The following CEP135 variants were observed in gnomAD, a reference collection of about 807,000 sequenced individuals.
The protein encoded by CEP135 is centrosomal protein 135.
CEP135 carries 142 observed loss-of-function variants against 157.3 expected under a neutral mutation model. The ratio of observed to expected loss-of-function variants is 0.90; its 90% confidence interval spans 0.79 to 1.04. The LOEUF (loss-of-function observed/expected upper bound fraction) is 1.04, where lower values mean the gene tolerates loss of function less well. Among genes scored for constraint, CEP135 ranks in the 50% least tolerant of loss-of-function variants. The probability of loss-of-function intolerance (pLI) is 0.00; values close to 1 mark genes in which losing one functional copy is unlikely to be tolerated. For synonymous variants in CEP135, 396 were observed against 439.8 expected, an observed-to-expected ratio of 0.90 and a Z score of 1.25; for missense variants, 1,317 against 1,309.2, an observed-to-expected ratio of 1.01 and a Z score of -0.09.
intron 17 of CEP135, among the ~76,000 whole-genome samples, chr4:56,000,805 T>C (rs760685402): frequency 1.3e-4 from 20 of 152,206 alleles, no homozygotes; most frequent in Non-Finnish European, 2.6e-4. Flanking sequence ...GTTATAGTTT[T>C]AGTTTTTTGA....
rs184649084 is a variant in CEP135, at chr4:55,988,817, C to T, written c.1858-3117C>T. On this transcript the variant is annotated intron_variant, in intron 14 of 25. Coordinates refer to ENST00000257287, the MANE Select transcript of CEP135 (RefSeq NM_025009.5). ...CTAAAAAAAAAATACAAAAATTAGCCGGGCGTGGTGGCGGGCGCATGTAGT... is the reference window on the plus strand; with the variant it reads ...CTAAAAAAAAAATACAAAAATTAGCTGGGCGTGGTGGCGGGCGCATGTAGT... Among the ~76,000 whole-genome samples, 1,202 of 150,736 alleles carry T rather than the reference C, an allele frequency of 8.0e-3. 16 individuals are homozygous for T. The highest frequency in any genetic ancestry group is 0.028 in the African/African-American group (1,141 of 41,012).
intron 14 of CEP135, among the ~76,000 whole-genome samples, chr4:55,990,159 A>G (rs1319372388): frequency 6.6e-6 from 1 of 152,074 alleles, no homozygotes; most frequent in Non-Finnish European, 1.5e-5. Flanking sequence ...ACCTATTGCT[A>G]ATTTTTGTCA....
intron 3 of CEP135, among the ~76,000 whole-genome samples, chr4:55,953,852 T>C (rs1728432857): frequency 6.6e-6 from 1 of 152,190 alleles, no homozygotes; most frequent in African/African-American, 2.4e-5. Context: ...TCAAAGGTAC[T>C]AGGGAAAAGA....
intron 18 of CEP135, among the ~76,000 whole-genome samples, chr4:56,009,303 C>T (rs62308617): frequency 6.6e-6 from 1 of 151,846 alleles, no homozygotes; most frequent in African/African-American, 2.4e-5. Context: ...CTGGACTACA[C>T]GTGCCCGCCA....
At position 55,954,205 on chromosome 4, in the gene CEP135, T is replaced by C; in HGVS notation, c.305-11T>C. Reference sequence around the variant, plus strand: ...TCTTTAAAACGGTCTTTGAATCTTTTTCATTTTAAGAGTTGAAAACTTCAT... The same window carrying C: ...TCTTTAAAACGGTCTTTGAATCTTTCTCATTTTAAGAGTTGAAAACTTCAT... On this transcript the variant is annotated splice_polypyrimidine_tract_variant and intron_variant, in intron 3 of 25. Transcript: ENST00000257287. The C allele has an allele frequency of 1.3e-6, 2 of 1,557,834 alleles. No individual in the cohort carries two copies. The highest frequency in any genetic ancestry group is 8.6e-7 in the Non-Finnish European group (1 of 1,157,260).
rs774664811 is a variant in CEP135 at position 55,981,322 on chromosome 4, G to A, written c.1722G>A (p.Ala574=). ...VSLMEKEKEL[A]LSDLRRIMAE... ...TTATGGAAAAGGAAAAAGAACTTGC[G>A]TTATCTGACTTAAGAAGAATTATGG... Residue 574 remains alanine (A), a synonymous_variant, in exon 13 of 26, where the codon GCG becomes GCA. Transcript: ENST00000257287. The A allele has an allele frequency of 1.4e-5, 23 of 1,595,830 alleles. No homozygotes were observed. The highest frequency in any genetic ancestry group is 6.8e-5 in the African/African-American group (5 of 73,518).
chr4:56,011,285 T>G, intron 19 of CEP135, 127 bp from the exon 20 acceptor site: 1 of 631,656 alleles, frequency 1.6e-6, no homozygotes, highest in Non-Finnish European at 2.7e-6. Flanking sequence ...AAAATAACAC[T>G]TAGGAACAGT....
chr4:56,006,004 C>T (rs1041441792), intron 17 of CEP135, among the ~76,000 whole-genome samples: 3 of 152,086 alleles, frequency 2.0e-5, no homozygotes, highest in African/African-American at 7.2e-5. Flanking sequence ...TCTCTTCTTG[C>T]TTTTAGGATC....
At position 56,020,842 on chromosome 4, in the gene CEP135, A is replaced by G. The variant is rs552562838; in HGVS notation, c.3320+62A>G. 58 of 1,173,138 alleles carry G rather than the reference A, an allele frequency of 4.9e-5. No individual in the cohort carries two copies. In the East Asian group the frequency reaches 1.3e-3, roughly 26 times the overall value. The allele number at this position is 1,173,138 out of a possible 1,614,324, so 72.7% of individuals were successfully genotyped here. Reference sequence around the variant, plus strand: ...ATGTGTTCTCTATTGTACTTCAGAAAGTATTTAATATGGCTTTACAAATAA... The same window carrying G: ...ATGTGTTCTCTATTGTACTTCAGAAGGTATTTAATATGGCTTTACAAATAA... On this transcript the variant is annotated intron_variant, in intron 24 of 25. Coordinates refer to ENST00000257287, the MANE Select transcript of CEP135 (RefSeq NM_025009.5).
chr4:55,999,792 A>C, intron 17 of CEP135, 147 bp downstream of exon 17: 1 of 729,796 alleles, frequency 1.4e-6, no homozygotes, highest in Non-Finnish European at 2.2e-6. Flanking sequence ...TCTTGGGCTC[A>C]AGGAATCCCC....
chr4:55,957,507 C>A (rs1728546091), intron 5 of CEP135, 143 bp downstream of exon 5: 5 of 616,854 alleles, frequency 8.1e-6, no homozygotes, highest in Non-Finnish European at 1.3e-5. Flanking sequence ...TCAGTAAATA[C>A]TTCCAGATTG....
intron 14 of CEP135, among the ~76,000 whole-genome samples, chr4:55,986,151 G>A (rs576141961): frequency 6.6e-6 from 1 of 152,088 alleles, no homozygotes; most frequent in Non-Finnish European, 1.5e-5. Context: ...AATTAAATGA[G>A]TTAATACATA....
rs759817071 is a variant in CEP135, at chr4:56,011,497, G to A, written c.2591G>A (p.Arg864Gln). 26 of 1,609,556 alleles carry A rather than the reference G, an allele frequency of 1.6e-5. No homozygotes were observed. The highest frequency in any genetic ancestry group is 2.0e-5 in the Non-Finnish European group (24 of 1,178,526). ...CATAAATACATAACAGAGGTGTCAC[G>A]ATGGGAGAGCTTAATGGCTGCCAAG... ...RVHKYITEVS[R>Q]WESLMAAKEK... is the part of the protein sequence containing the mutation. The change falls in exon 20 of 26, where the codon CGA (arginine) becomes CAA (glutamine). Residue 864 changes from arginine to glutamine, a missense_variant. By Grantham distance (43) the Arg-to-Gln change is conservative. Transcript: ENST00000257287.
chr4:56,000,941 G>T (rs540026731), intron 17 of CEP135, among the ~76,000 whole-genome samples: 21 of 152,110 alleles, frequency 1.4e-4, no homozygotes, highest in African/African-American at 4.8e-4. Flanking sequence ...TTGATAAAAA[G>T]CATTCTAACT....
At chr4:55,982,698 T>C (rs1729454954) in intron 13 of CEP135, among the ~76,000 whole-genome samples, 1 of 152,218 alleles carries the variant, frequency 6.6e-6, no homozygotes, top group South Asian at 2.1e-4. Flanking sequence ...GCAAATACTT[T>C]CCCCCATTCT....
chr4:55,985,157 C>A, intron 13 of CEP135, 124 bp from the exon 14 acceptor site: 1 of 468,658 alleles, frequency 2.1e-6, no homozygotes, highest in Non-Finnish European at 3.9e-6. Context: ...CTTTCTAAAA[C>A]ATTTCTGTGT....
chr4:56,003,777 GT>G (rs892559334), intron 17 of CEP135, among the ~76,000 whole-genome samples: 2 of 151,640 alleles, frequency 1.3e-5, no homozygotes, highest in African/African-American at 4.8e-5. Flanking sequence ...CTGAAGTGCA[GT>G]AGCAAGATCA....
chr4:55,984,368 G>A lies in CEP135; in HGVS notation c.1780-913G>A, dbSNP rs942409156. On this transcript the variant is annotated intron_variant, in intron 13 of 25. Coordinates refer to ENST00000257287, the MANE Select transcript of CEP135 (RefSeq NM_025009.5). Reference sequence around the variant, plus strand: ...CAGGCCAAACATCATGTCTTTTGATGGGAAATGAACCCTAGAATCTAGATT... The same window carrying A: ...CAGGCCAAACATCATGTCTTTTGATAGGAAATGAACCCTAGAATCTAGATT... Among the ~76,000 whole-genome samples the A allele has an allele frequency of 2.0e-5, 3 of 152,132 alleles. No individual in the cohort carries two copies. In the East Asian group the frequency reaches 5.8e-4, roughly 29 times the overall value.
chr4:56,022,660 A>G (rs562549495), intron 24 of CEP135, among the ~76,000 whole-genome samples: 1 of 152,298 alleles, frequency 6.6e-6, no homozygotes, highest in Admixed American at 6.5e-5. Flanking sequence ...CACAAAGGAG[A>G]TGGCAACATA....
Sources: allele counts gnomAD v4.1 joint callset (sites outside exome capture counted in the v4.1 genomes callset), GRCh38; gene constraint gnomAD v4.1.1; transcripts MANE v1.5; gene names NCBI Gene and HGNC (gene_info 2026-07-23, HGNC 2026-07-21).